The following SYNDIG1 variants were observed in gnomAD, a reference collection of about 807,000 sequenced individuals.
The protein encoded by SYNDIG1 is synapse differentiation-inducing gene protein 1.
In SYNDIG1, 9 loss-of-function variants were observed where a neutral mutation model predicts 19.4. That is an observed-to-expected ratio of 0.46 (90% CI 0.28 to 0.81). SYNDIG1 has a LOEUF of 0.81. Ranked by LOEUF, SYNDIG1 falls within the 30% of genes least tolerant of loss-of-function variation. SYNDIG1 has a pLI of 0.12. For missense variants in SYNDIG1, 311 were observed against 343.3 expected (o/e 0.91, Z 0.74); for synonymous variants, 141 against 145.9 (o/e 0.97, Z 0.24).
At chr20:24,488,205 C>G (rs2056024676) in intron 1 of SYNDIG1, among the ~76,000 whole-genome samples, 1 of 152,230 alleles carries the variant, frequency 6.6e-6, no homozygotes, top group Non-Finnish European at 1.5e-5. Flanking sequence ...GGGAATTCAG[C>G]TGGTCATTTA....
intron 1 of SYNDIG1, among the ~76,000 whole-genome samples, chr20:24,484,499 G>C (rs58411424): frequency 0.017 from 2,641 of 152,240 alleles, 81 homozygotes; most frequent in African/African-American, 0.061. Context: ...TCACGTCACT[G>C]TCGCCACACT....
Position 24,510,797 on chromosome 20 carries a change from A to G in SYNDIG1, c.-78-32223A>G, listed in dbSNP as rs1195829288. Reference sequence around the variant, plus strand: ...ATGTTCTCTCAGTCTAGAATTCCCAATCTATTCATCTGGATTTTCTATTAG... The same window carrying G: ...ATGTTCTCTCAGTCTAGAATTCCCAGTCTATTCATCTGGATTTTCTATTAG... On this transcript the variant is annotated intron_variant, in intron 1 of 3. Transcript: ENST00000376862. Among the ~76,000 whole-genome samples, 4 of 152,028 alleles carry G rather than the reference A, an allele frequency of 2.6e-5. No individual in the cohort carries two copies. The East Asian group carries it at 5.8e-4, about 22-fold the overall frequency.
chr20:24,560,062 C>CTT (rs1247087275), intron 2 of SYNDIG1, among the ~76,000 whole-genome samples: 3 of 70,340 alleles, frequency 4.3e-5, no homozygotes, highest in Admixed American at 1.7e-4. Flanking sequence ...TCTCTCCTCT[C>CTT]CTTTTTTTTT....
chr20:24,527,299 G>A (rs187100552), intron 1 of SYNDIG1, among the ~76,000 whole-genome samples: 14 of 151,694 alleles, frequency 9.2e-5, no homozygotes, highest in South Asian at 6.2e-4. Context: ...CATATCTTCC[G>A]TTGTGTTTTT....
intron 1 of SYNDIG1, among the ~76,000 whole-genome samples, chr20:24,486,688 C>T (rs996219504): frequency 2.7e-5 from 4 of 150,742 alleles, no homozygotes; most frequent in Non-Finnish European, 5.9e-5. Flanking sequence ...GTGATGGAGT[C>T]TCGCTCTGTC....
At chr20:24,531,631 G>GAAAAAAA (rs11472864) in intron 1 of SYNDIG1, among the ~76,000 whole-genome samples, 1 of 150,116 alleles carries the variant, frequency 6.7e-6, no homozygotes. Flanking sequence ...AGACAATTTT[G>GAAAAAAA]AAAAAAAAAA....
At chr20:24,644,306 T>C (rs1037206936) in intron 3 of SYNDIG1, among the ~76,000 whole-genome samples, 4 of 152,386 alleles carry the variant, frequency 2.6e-5, no homozygotes, top group African/African-American at 9.6e-5. Flanking sequence ...ATGTTCACTG[T>C]GGTAAATTTT....
chr20:24,537,440 C>T (rs1303134733), intron 1 of SYNDIG1, among the ~76,000 whole-genome samples: 1 of 151,792 alleles, frequency 6.6e-6, no homozygotes, highest in Non-Finnish European at 1.5e-5. Flanking sequence ...TCATTCATCA[C>T]TCCTGCTGCC....
At chr20:24,577,933 G>A (rs1167271472) in intron 2 of SYNDIG1, among the ~76,000 whole-genome samples, 1 of 152,230 alleles carries the variant, frequency 6.6e-6, no homozygotes, top group Non-Finnish European at 1.5e-5. Context: ...AGGCCCAAAG[G>A]AAGGTGGAGC....
intron 3 of SYNDIG1, among the ~76,000 whole-genome samples, chr20:24,610,454 G>A (rs554510057): frequency 5.3e-5 from 8 of 152,314 alleles, no homozygotes; most frequent in South Asian, 2.1e-4. Context: ...CTGCACACGG[G>A]GGGGCGAGTG....
intron 3 of SYNDIG1, among the ~76,000 whole-genome samples, chr20:24,628,158 T>TA (rs1288013945): frequency 6.6e-6 from 1 of 152,136 alleles, no homozygotes; most frequent in African/African-American, 2.4e-5. Context: ...CTTCCTTTTG[T>TA]AAAAATTATC....
At chr20:24,513,238 G>A (rs1251987052) in intron 1 of SYNDIG1, among the ~76,000 whole-genome samples, 8 of 152,308 alleles carry the variant, frequency 5.3e-5, no homozygotes, top group African/African-American at 1.7e-4. Context: ...TCAAAGGAAC[G>A]CAGCTCCTCG....
At chr20:24,494,945 C>T (rs753862202) in intron 1 of SYNDIG1, among the ~76,000 whole-genome samples, 3 of 152,202 alleles carry the variant, frequency 2.0e-5, no homozygotes, top group Non-Finnish European at 4.4e-5. Flanking sequence ...GTGACTCCTA[C>T]TACCTCAGTC....
At chr20:24,564,584 G>A (rs2058006290) in intron 2 of SYNDIG1, among the ~76,000 whole-genome samples, 1 of 152,186 alleles carries the variant, frequency 6.6e-6, no homozygotes, top group South Asian at 2.1e-4. Context: ...TTATTTGTTG[G>A]AGATGTTGTG....
rs549959310 is a variant in SYNDIG1, at chr20:24,569,545, C to A, written c.481-15311C>A. 6.6e-5 allele frequency among the ~76,000 whole-genome samples: 10 copies of A among 152,266 alleles called. 1 individual carries two copies. Among genetic ancestry groups the A allele is most frequent in the East Asian group, 5.8e-4 (3 of 5,182 alleles). Reference sequence around the variant, plus strand: ...GGGTCTCAGCTAGGAAGGGGTAGGTCAAAATTTAACTCCAAATCTCATGCT... The same window carrying A: ...GGGTCTCAGCTAGGAAGGGGTAGGTAAAAATTTAACTCCAAATCTCATGCT... On this transcript the variant is annotated intron_variant, in intron 2 of 3. Transcript: ENST00000376862.
At chr20:24,563,949 T>G (rs2146897013) in intron 2 of SYNDIG1, among the ~76,000 whole-genome samples, 1 of 152,262 alleles carries the variant, frequency 6.6e-6, no homozygotes, top group South Asian at 2.1e-4. Context: ...TGAGGCTGAC[T>G]TCCCATCTCT....
intron 3 of SYNDIG1, among the ~76,000 whole-genome samples, chr20:24,628,679 A>T (rs993222744): frequency 1.2e-4 from 19 of 152,210 alleles, no homozygotes; most frequent in Non-Finnish European, 2.5e-4. Flanking sequence ...GGGCCAGCAG[A>T]ACCCTTGGGG....
intron 3 of SYNDIG1, among the ~76,000 whole-genome samples, chr20:24,659,428 C>T (rs2147394496): frequency 6.6e-6 from 1 of 152,328 alleles, no homozygotes; most frequent in Non-Finnish European, 1.5e-5. Context: ...CCTGTCTGGG[C>T]ACTGCCAGGT....
chr20:24,499,239 G>A (rs1244635216), intron 1 of SYNDIG1, among the ~76,000 whole-genome samples: 3 of 152,168 alleles, frequency 2.0e-5, no homozygotes, highest in Non-Finnish European at 4.4e-5. Context: ...TGGCCAGGCT[G>A]GTCTCGAACT....
Sources: gnomAD v4.1 joint callset for allele counts (sites outside exome capture counted in the v4.1 genomes callset) on GRCh38, gnomAD v4.1.1 for gene constraint, MANE v1.5 for transcripts, NCBI Gene and HGNC (gene_info 2026-07-23, HGNC 2026-07-21) for gene names.